Variants in SNTG1 observed in about 807,000 individuals in gnomAD.
SNTG1 encodes gamma-1-syntrophin.
A neutral mutation model predicts 74.7 loss-of-function variants in SNTG1; 39 were observed. The ratio of observed to expected loss-of-function variants is 0.52; its 90% confidence interval spans 0.40 to 0.68. The LOEUF is 0.68. Ranked by LOEUF, SNTG1 falls within the 30% of genes least tolerant of loss-of-function variation. SNTG1 has a pLI of 0.00. For synonymous variants in SNTG1, 254 were observed against 217.1 expected (o/e 1.17, Z -1.49); for missense variants, 685 against 609.5 (o/e 1.12, Z -1.30).
chr8:50,649,962 T>C (rs2095134639), intron 13 of SNTG1, among the ~76,000 whole-genome samples: 1 of 151,912 alleles, frequency 6.6e-6, no homozygotes, highest in Non-Finnish European at 1.5e-5. Context: ...GACTTGTTTA[T>C]CTTCTAAACC....
At chr8:50,484,732 G>T (rs2093775303) in intron 8 of SNTG1, among the ~76,000 whole-genome samples, 1 of 151,124 alleles carries the variant, frequency 6.6e-6, no homozygotes, top group African/African-American at 2.4e-5. Flanking sequence ...GATGGTGCAT[G>T]CCTGCAACCC....
intron 13 of SNTG1, among the ~76,000 whole-genome samples, chr8:50,632,054 C>T (rs1028150399): frequency 3.3e-5 from 5 of 152,164 alleles, no homozygotes; most frequent in African/African-American, 9.7e-5. Context: ...GAAATAACTA[C>T]TGTGCTGTTT....
At position 50,771,227 on chromosome 8, in the gene SNTG1, A is replaced by G. The variant is rs141843341; in HGVS notation, c.1395+19116A>G. Among the ~76,000 whole-genome samples the G allele has an allele frequency of 9.7e-4, 148 of 152,262 alleles. No homozygotes were observed. The Middle Eastern group carries it at 0.034, about 35-fold the overall frequency. ...GGTGAGGACTCAGAAGAAGACAAAA[A>G]GATGAGGGAAAGTTTGGAACTTCTT... is the stretch of plus-strand genomic sequence containing the variant. On this transcript the variant is annotated intron_variant, in intron 18 of 18. Coordinates refer to ENST00000642720, the MANE Select transcript of SNTG1 (RefSeq NM_018967.5).
At chr8:50,164,501 TTAGA>T (rs1191196913) in intron 1 of SNTG1, 13 of 152,210 alleles carry the variant, frequency 8.5e-5, no homozygotes, top group African/African-American at 2.7e-4. Context: ...ATATTTAAAA[TTAGA>T]TAGGTTGTTA....
At chr8:49,989,601 A>G (rs1013836966) in intron 1 of SNTG1, among the ~76,000 whole-genome samples, 1 of 152,090 alleles carries the variant, frequency 6.6e-6, no homozygotes. Context: ...AACTTACATT[A>G]TGAGGCGAGT....
chr8:49,925,631 T>A (rs1003909602), intron 1 of SNTG1, among the ~76,000 whole-genome samples: 4 of 152,218 alleles, frequency 2.6e-5, no homozygotes, highest in Admixed American at 2.6e-4. Flanking sequence ...AAACCACTGT[T>A]CTGCTCTCTA....
intron 2 of SNTG1, among the ~76,000 whole-genome samples, chr8:50,365,770 A>G (rs2092090680): frequency 6.6e-6 from 1 of 152,100 alleles, no homozygotes; most frequent in South Asian, 2.1e-4. Context: ...AACTCTTATA[A>G]CCACAAATTA....
chr8:50,609,850 C>T (rs114476979), intron 13 of SNTG1, among the ~76,000 whole-genome samples: 4,776 of 151,874 alleles, frequency 0.031, 117 homozygotes, highest in African/African-American at 0.056. Context: ...TTTTAAATTT[C>T]TGTTTCTCTA....
At chr8:50,559,970 A>C (rs946510054) in intron 12 of SNTG1, among the ~76,000 whole-genome samples, 1 of 152,166 alleles carries the variant, frequency 6.6e-6, no homozygotes, top group Non-Finnish European at 1.5e-5. Context: ...TTTGCCATCT[A>C]TCCATCTGAC....
chr8:50,745,089 G>C (rs1028555914), intron 17 of SNTG1, among the ~76,000 whole-genome samples: 2 of 151,812 alleles, frequency 1.3e-5, no homozygotes, highest in East Asian at 1.9e-4. Context: ...TACATCAAAG[G>C]GTACTACAAC....
At chr8:50,231,359 G>A (rs1020027454) in intron 2 of SNTG1, among the ~76,000 whole-genome samples, 3 of 151,318 alleles carry the variant, frequency 2.0e-5, no homozygotes, top group Non-Finnish European at 4.5e-5. Flanking sequence ...GTTACCATAT[G>A]ATCCAGCAAT....
intron 2 of SNTG1, among the ~76,000 whole-genome samples, chr8:50,246,965 G>C (rs932797874): frequency 6.6e-6 from 1 of 152,178 alleles, no homozygotes; most frequent in African/African-American, 2.4e-5. Context: ...ACTTGTTAAA[G>C]ATTTCCATTG....
At chr8:50,110,395 T>G (rs921586405) in intron 1 of SNTG1, among the ~76,000 whole-genome samples, 2 of 152,182 alleles carry the variant, frequency 1.3e-5, no homozygotes, top group African/African-American at 4.8e-5. Flanking sequence ...CAGGCAGGAC[T>G]CTCATCAGTG....
chr8:50,095,705 T>C (rs1375218631), intron 1 of SNTG1, among the ~76,000 whole-genome samples: 1 of 152,190 alleles, frequency 6.6e-6, no homozygotes, highest in Non-Finnish European at 1.5e-5. Flanking sequence ...AATATGTTTG[T>C]TTGCTTTGTT....
intron 2 of SNTG1, among the ~76,000 whole-genome samples, chr8:50,254,395 A>G (rs2086782956): frequency 6.6e-6 from 1 of 152,200 alleles, no homozygotes; most frequent in African/African-American, 2.4e-5. Flanking sequence ...TTACTAAAAG[A>G]GCTTTGAAAT....
At chr8:50,425,650 C>T (rs926620196) in intron 4 of SNTG1, among the ~76,000 whole-genome samples, 6 of 152,136 alleles carry the variant, frequency 3.9e-5, no homozygotes, top group Non-Finnish European at 7.4e-5. Flanking sequence ...GTGGAAAAAT[C>T]GTTTTCCATG....
chr8:50,077,077 C>T (rs1466700409), intron 1 of SNTG1, among the ~76,000 whole-genome samples: 2 of 152,176 alleles, frequency 1.3e-5, no homozygotes, highest in Non-Finnish European at 2.9e-5. Flanking sequence ...ATATTTACTC[C>T]TGGATGTTTG....
At chr8:50,668,162 A>G (rs1294357244) in intron 15 of SNTG1, among the ~76,000 whole-genome samples, 1 of 151,910 alleles carries the variant, frequency 6.6e-6, no homozygotes, top group East Asian at 1.9e-4. Context: ...TTAAAAACAT[A>G]ATTTTATTTT....
At chr8:50,491,954 C>T (rs1252459339) in intron 8 of SNTG1, among the ~76,000 whole-genome samples, 1 of 132,028 alleles carries the variant, frequency 7.6e-6, no homozygotes, top group East Asian at 2.6e-4. Context: ...CCTCACTGTT[C>T]AACTCCCACT....
Sources: gnomAD v4.1 joint callset for allele counts (sites outside exome capture counted in the v4.1 genomes callset) on GRCh38, gnomAD v4.1.1 for gene constraint, MANE v1.5 for transcripts, NCBI Gene and HGNC (gene_info 2026-07-23, HGNC 2026-07-21) for gene names.